The following ACTR3C variants were observed in gnomAD, a reference collection of about 807,000 sequenced individuals.
The protein encoded by ACTR3C is actin-related protein 3C.
In ACTR3C, 18 loss-of-function variants were observed where a neutral mutation model predicts 26.3. The observed-to-expected ratio is 0.68, with a 90% CI of 0.47 to 1.01. The LOEUF is 1.01. Among genes scored for constraint, ACTR3C ranks in the 50% least tolerant of loss-of-function variants. The probability of loss-of-function intolerance (pLI) is 0.00; values close to 1 mark genes in which losing one functional copy is unlikely to be tolerated. For synonymous variants in ACTR3C, 55 were observed against 94.5 expected (o/e 0.58, Z 2.42); for missense variants, 184 against 250.7 (o/e 0.73, Z 1.80).
At chr7:150,249,078 T>C (rs1244309547) in intron 6 of ACTR3C, 24 bp from the exon 7 acceptor site, 5 of 652,864 alleles carry the variant, frequency 7.7e-6, no homozygotes, top group East Asian at 5.5e-5. Context: ...AAAACAGTTA[T>C]AGGGCAGCAG....
At chr7:150,164,448 T>G in the ACTR3C span, among the ~76,000 whole-genome samples, 5 of 152,244 alleles carry the variant, frequency 3.3e-5, no homozygotes, top group African/African-American at 1.2e-4. Context: ...TCCAAGTTCT[T>G]TAGAATAAAA....
At chr7:150,271,904 C>T (rs1054133213) in intron 6 of ACTR3C, among the ~76,000 whole-genome samples, 4 of 147,022 alleles carry the variant, frequency 2.7e-5, no homozygotes, top group East Asian at 2.0e-4. Context: ...CCTCCCCCCT[C>T]GCCCAGATGA....
the ACTR3C span, among the ~76,000 whole-genome samples, chr7:150,192,584 G>A: frequency 6.6e-6 from 1 of 152,270 alleles, no homozygotes; most frequent in Admixed American, 6.5e-5. Flanking sequence ...TTATAGGCAT[G>A]AGCCATCATA....
the ACTR3C span, among the ~76,000 whole-genome samples, chr7:150,132,707 T>C: frequency 8.5e-5 from 13 of 152,256 alleles, no homozygotes; most frequent in East Asian, 1.2e-3. Flanking sequence ...CTCAAAGAAC[T>C]AAGAGTTGAA....
chr7:150,108,148 G>T, the ACTR3C span, among the ~76,000 whole-genome samples: 1 of 150,134 alleles, frequency 6.7e-6, no homozygotes. Flanking sequence ...GCACACCAGG[G>T]GACTGTTCCA....
chr7:150,316,647 A>C (rs999902550), intron 1 of ACTR3C, among the ~76,000 whole-genome samples: 2 of 152,006 alleles, frequency 1.3e-5, no homozygotes, highest in African/African-American at 4.8e-5. Context: ...CATCACGCTC[A>C]GCTAATTTTT....
chr7:150,056,474 A>G, the ACTR3C span, among the ~76,000 whole-genome samples: 23 of 152,362 alleles, frequency 1.5e-4, no homozygotes, highest in African/African-American at 5.5e-4. Context: ...TGTCTATACT[A>G]CTAATTGCAT....
At chr7:149,966,576 G>C in the ACTR3C span, among the ~76,000 whole-genome samples, 1 of 152,102 alleles carries the variant, frequency 6.6e-6, no homozygotes, top group African/African-American at 2.4e-5. Flanking sequence ...GAGGAAACTG[G>C]CCTACAGTTT....
At chr7:150,034,094 T>A in the ACTR3C span, among the ~76,000 whole-genome samples, 14 of 149,782 alleles carry the variant, frequency 9.3e-5, no homozygotes, top group Non-Finnish European at 1.5e-4. Flanking sequence ...CACCCCGCGA[T>A]GCAGGTCCCA....
chr7:150,129,585 G>A, the ACTR3C span, among the ~76,000 whole-genome samples: 1 of 152,102 alleles, frequency 6.6e-6, no homozygotes, highest in South Asian at 2.1e-4. Flanking sequence ...TAATATTTCT[G>A]TATACTAACA....
the ACTR3C span, among the ~76,000 whole-genome samples, chr7:150,201,572 A>C: frequency 6.7e-6 from 1 of 150,174 alleles, no homozygotes; most frequent in Non-Finnish European, 1.5e-5. Context: ...ACACGGTGAA[A>C]CCTTGTCTCT....
the ACTR3C span, among the ~76,000 whole-genome samples, chr7:150,019,604 AT>A: frequency 1.4e-4 from 8 of 56,916 alleles, no homozygotes; most frequent in Admixed American, 3.5e-4. Flanking sequence ...AATAAAAATA[AT>A]AATAATAATA....
At chr7:150,251,271 T>G (rs886944237) in intron 6 of ACTR3C, among the ~76,000 whole-genome samples, 1 of 152,112 alleles carries the variant, frequency 6.6e-6, no homozygotes, top group Non-Finnish European at 1.5e-5. Context: ...TGTTCAACAC[T>G]AAATTCTGAT....
the ACTR3C span, among the ~76,000 whole-genome samples, chr7:149,966,558 C>G: frequency 6.6e-6 from 1 of 152,130 alleles, no homozygotes; most frequent in East Asian, 1.9e-4. Flanking sequence ...TGACATAATC[C>G]TACAGATGAG....
At chr7:150,041,642 C>A in the ACTR3C span, among the ~76,000 whole-genome samples, 4 of 112,848 alleles carry the variant, frequency 3.5e-5, no homozygotes, top group East Asian at 3.3e-4. Flanking sequence ...GTGCCTCCCC[C>A]CCCCTGCGAT....
chr7:150,248,820 G>A (rs1048797626), intron 7 of ACTR3C, 128 bp downstream of exon 7: 1 of 422,488 alleles, frequency 2.4e-6, no homozygotes, highest in Non-Finnish European at 4.2e-6. Context: ...TACCTGCAAA[G>A]AATTTTAGAA....
the ACTR3C span, among the ~76,000 whole-genome samples, chr7:150,095,845 A>G: frequency 2.0e-5 from 3 of 150,608 alleles, no homozygotes; most frequent in African/African-American, 7.5e-5. Flanking sequence ...AGAAAGCAAA[A>G]TTGTAACATT....
At chr7:150,088,450 C>CA in the ACTR3C span, among the ~76,000 whole-genome samples, 1 of 151,966 alleles carries the variant, frequency 6.6e-6, no homozygotes, top group South Asian at 2.1e-4. Flanking sequence ...TGAAAGACAG[C>CA]AAAAAGGAAT....
the ACTR3C span, among the ~76,000 whole-genome samples, chr7:149,994,313 C>T: frequency 6.6e-4 from 100 of 152,232 alleles, no homozygotes; most frequent in Non-Finnish European, 9.1e-4. Flanking sequence ...TAAAGAGGGG[C>T]TTGGCCGGGC....
Sources: gnomAD v4.1 joint callset for allele counts (sites outside exome capture counted in the v4.1 genomes callset) on GRCh38, gnomAD v4.1.1 for gene constraint, MANE v1.5 for transcripts, NCBI Gene and HGNC (gene_info 2026-07-23, HGNC 2026-07-21) for gene names.